The following TRIM5 variants were observed in gnomAD, a reference collection of about 807,000 sequenced individuals.
TRIM5 encodes tripartite motif containing 5, also known as tripartite motif-containing protein 5.
Under a neutral mutation model 35.6 loss-of-function variants are expected in TRIM5, and 31 were observed. The ratio of observed to expected loss-of-function variants is 0.87; its 90% CI spans 0.65 to 1.18. TRIM5 has a LOEUF of 1.18. TRIM5 is among the 50% of genes most tolerant of loss of function. TRIM5 has a pLI of 0.00. For missense variants in TRIM5, 609 were observed against 591.6 expected (o/e 1.03, Z -0.31); for synonymous variants, 243 against 215.6 (o/e 1.13, Z -1.11).
chr11:5,596,522 C>CCCCCTTCCCCCTTCCCCCGTTCTCCCCTT, the TRIM5 span: 2 of 29,220 alleles, frequency 6.8e-5, no homozygotes, highest in African/African-American at 2.1e-4. Flanking sequence ...TTCTCCCCTT[C>CCCCCTTCCCCCTTCCCCCGTTCTCCCCTT]CCCCCTTCCC....
At chr11:5,608,039 A>G in the TRIM5 span, among the ~76,000 whole-genome samples, 1 of 152,228 alleles carries the variant, frequency 6.6e-6, no homozygotes, top group Non-Finnish European at 1.5e-5. Flanking sequence ...CTACTCAAGG[A>G]TAGAAATTAT....
rs990247322 is a variant in TRIM5, at chr11:5,667,811, G to C, written c.745-100C>G. 1.3e-5 allele frequency: 17 copies of C among 1,332,446 alleles called. No individual in the cohort carries two copies. In the South Asian group the frequency reaches 2.0e-4, roughly 16 times the overall value. The allele number at this position is 1,332,446 out of a possible 1,614,324, so 82.5% of individuals were successfully genotyped here. A position where few individuals can be genotyped will look rare whatever the true frequency, so the allele number is the denominator to read the frequency against. ...CCCGGTTCCTAATGTGCTGAGAATG[G>C]AGATGGTGACAGTGTGAAAGACAAA... On this transcript the variant is annotated intron_variant, in intron 4 of 7. Transcript: ENST00000380034.
chr11:5,635,317 G>A, the TRIM5 span, among the ~76,000 whole-genome samples: 1 of 149,138 alleles, frequency 6.7e-6, no homozygotes, highest in Non-Finnish European at 1.5e-5. Context: ...GTGCAGTGGT[G>A]CGATCTCGGC....
chr11:5,652,513 C>G, the TRIM5 span, among the ~76,000 whole-genome samples: 1 of 152,042 alleles, frequency 6.6e-6, no homozygotes, highest in African/African-American at 2.4e-5. Flanking sequence ...TGTTCTATTC[C>G]ATCAGTCTAT....
Position 5,680,230 on chromosome 11 carries a change from C to G in TRIM5, c.-53G>C, listed in dbSNP as rs1852329240. 1 of 1,515,932 alleles carries G rather than the reference C, an allele frequency of 6.6e-7. No homozygotes were observed. Among genetic ancestry groups the G allele is most frequent in the Non-Finnish European group, 8.9e-7 (1 of 1,128,066 alleles). The allele number at this position is 1,515,932 out of a possible 1,614,324, so 93.9% of individuals were successfully genotyped here. A position where few individuals can be genotyped will look rare whatever the true frequency, so the allele number is the denominator to read the frequency against. The stretch of plus-strand genomic sequence containing the variant: ...CCTGGCTGCTGAGGTTCCTCTTGTT[C>G]ACAGATCCCTGCATGATTGGGAAGG... On this transcript the variant is annotated 5_prime_UTR_variant, in exon 2 of 8. Coordinates refer to ENST00000380034, the MANE Select transcript of TRIM5 (RefSeq NM_033034.3).
At chr11:5,593,771 C>T in the TRIM5 span, among the ~76,000 whole-genome samples, 136 of 152,290 alleles carry the variant, frequency 8.9e-4, 1 homozygote, top group African/African-American at 3.2e-3. Flanking sequence ...AGAACTGCAG[C>T]AGTGGGTCCT....
At chr11:5,666,413 A>G in intron 5 of TRIM5, 1 of 252,334 alleles carries the variant, frequency 4.0e-6, no homozygotes, top group East Asian at 9.2e-5. Flanking sequence ...ACAAAACAAA[A>G]CAAAACTTTG....
At chr11:5,640,213 C>T in the TRIM5 span, among the ~76,000 whole-genome samples, 1 of 152,128 alleles carries the variant, frequency 6.6e-6, no homozygotes, top group Non-Finnish European at 1.5e-5. Context: ...CGGGAAAAAG[C>T]ATTCAGTTTT....
the TRIM5 span, among the ~76,000 whole-genome samples, chr11:5,645,112 A>AATCCCAGCCAGCACTTTGGG: frequency 1.3e-5 from 2 of 152,206 alleles, no homozygotes; most frequent in Non-Finnish European, 2.9e-5. Context: ...TCATGCCGGT[A>AATCCCAGCCAGCACTTTGGG]ATCCCAGCCA....
the TRIM5 span, among the ~76,000 whole-genome samples, chr11:5,623,970 C>T: frequency 6.6e-6 from 1 of 152,228 alleles, no homozygotes; most frequent in Non-Finnish European, 1.5e-5. Context: ...TTGATGCATA[C>T]AGCACAGAAA....
the TRIM5 span, among the ~76,000 whole-genome samples, chr11:5,606,450 G>A: frequency 6.6e-6 from 1 of 152,072 alleles, no homozygotes; most frequent in Non-Finnish European, 1.5e-5. Flanking sequence ...CAGAGTGTAA[G>A]ATATTCTTTA....
chr11:5,656,363 T>C, the TRIM5 span, among the ~76,000 whole-genome samples: 2 of 151,772 alleles, frequency 1.3e-5, 1 homozygote, highest in East Asian at 3.9e-4. Context: ...CACTTTTTTT[T>C]TTTTTTTTGA....
At chr11:5,673,477 A>G (rs1277659438) in intron 4 of TRIM5, among the ~76,000 whole-genome samples, 1 of 152,134 alleles carries the variant, frequency 6.6e-6, no homozygotes, top group Non-Finnish European at 1.5e-5. Context: ...CTCAATAACA[A>G]CTGGTGAAGA....
intron 1 of TRIM5, among the ~76,000 whole-genome samples, chr11:5,682,640 T>A (rs12287199): frequency 0.53 from 80,828 of 152,092 alleles, 21,496 homozygotes; most frequent in African/African-American, 0.53. Context: ...CCAGCGTATA[T>A]ACTGGAACTG....
At position 5,675,145 on chromosome 11, in the gene TRIM5, C is replaced by T. The variant is rs189152292; in HGVS notation, c.744+3059G>A. 6.6e-3 allele frequency among the ~76,000 whole-genome samples: 1,011 copies of T among 152,138 alleles called. 13 individuals carry two copies. Among genetic ancestry groups the T allele is most frequent in the African/African-American group, 0.024 (975 of 41,488 alleles). ...CCGGGTTCACACTATTCTCCTGCCT[C>T]AGCCTCCCAAGTAGCTGGGATTACA... On this transcript the variant is annotated intron_variant, in intron 4 of 7. Coordinates refer to ENST00000380034, the MANE Select transcript of TRIM5 (RefSeq NM_033034.3).
chr11:5,614,198 A>T, the TRIM5 span, among the ~76,000 whole-genome samples: 1 of 152,332 alleles, frequency 6.6e-6, no homozygotes, highest in South Asian at 2.1e-4. Flanking sequence ...TACTAAAGAA[A>T]TGTACTTCTT....
At chr11:5,603,112 G>A in the TRIM5 span, 323 of 1,423,174 alleles carry the variant, frequency 2.3e-4, no homozygotes, top group African/African-American at 2.3e-3. Flanking sequence ...GATAAAGAAC[G>A]TATTGGATAT....
the TRIM5 span, among the ~76,000 whole-genome samples, chr11:5,621,904 C>T: frequency 1.3e-5 from 2 of 152,154 alleles, no homozygotes; most frequent in Admixed American, 6.5e-5. Context: ...ATTGATGTCT[C>T]ATGTCTCTCT....
chr11:5,597,523 T>C, the TRIM5 span, among the ~76,000 whole-genome samples: 1 of 152,164 alleles, frequency 6.6e-6, no homozygotes, highest in East Asian at 1.9e-4. Flanking sequence ...AGGTTAAATA[T>C]AACCCTACAC....
Sources: gnomAD v4.1 joint callset for allele counts (sites outside exome capture counted in the v4.1 genomes callset) on GRCh38, gnomAD v4.1.1 for gene constraint, MANE v1.5 for transcripts, NCBI Gene and HGNC (gene_info 2026-07-23, HGNC 2026-07-21) for gene names.